Variants in MAGI1 observed in about 807,000 individuals in gnomAD.
MAGI1 encodes the protein membrane associated guanylate kinase, WW and PDZ domain containing 1.
MAGI1 carries 58 observed loss-of-function variants against 139.9 expected under a neutral mutation model. The observed-to-expected ratio is 0.41, with a 90% confidence interval of 0.34 to 0.52. The LOEUF is 0.52. MAGI1 is among the 20% of genes least tolerant of loss of function. The pLI, the probability that MAGI1 is intolerant of heterozygous loss-of-function variation, is 0.12. For synonymous variants in MAGI1, 812 were observed against 737.9 expected (o/e 1.10, Z -1.63); for missense variants, 1,874 against 1,901.6 (o/e 0.99, Z 0.27).
chr3:65,707,410 C>A (rs1414436226), intron 1 of MAGI1, among the ~76,000 whole-genome samples: 1 of 152,116 alleles, frequency 6.6e-6, no homozygotes, highest in Non-Finnish European at 1.5e-5. Flanking sequence ...GGGCAACCGG[C>A]CTGAGCCACA....
At chr3:65,667,506 G>A (rs2086603992) in intron 1 of MAGI1, among the ~76,000 whole-genome samples, 1 of 152,192 alleles carries the variant, frequency 6.6e-6, no homozygotes, top group African/African-American at 2.4e-5. Flanking sequence ...ACAAGTGAGA[G>A]CACCAGGAGG....
At chr3:65,413,029 G>A (rs1364905481) in intron 12 of MAGI1, among the ~76,000 whole-genome samples, 2 of 152,004 alleles carry the variant, frequency 1.3e-5, no homozygotes, top group African/African-American at 2.4e-5. Flanking sequence ...ACAGCACTGG[G>A]TTCAATGCCT....
intron 3 of MAGI1, among the ~76,000 whole-genome samples, chr3:65,492,946 C>T (rs1559604587): frequency 6.6e-6 from 1 of 151,972 alleles, no homozygotes; most frequent in Non-Finnish European, 1.5e-5. Context: ...GGCATGGTGG[C>T]AGGCGCCTGT....
At chr3:65,591,039 A>G (rs541983205) in intron 2 of MAGI1, among the ~76,000 whole-genome samples, 33 of 152,336 alleles carry the variant, frequency 2.2e-4, no homozygotes, top group South Asian at 1.7e-3. Flanking sequence ...AATTCACAAT[A>G]CACACAAAGC....
chr3:65,730,228 A>C (rs2034049890), intron 1 of MAGI1, among the ~76,000 whole-genome samples: 1 of 152,144 alleles, frequency 6.6e-6, no homozygotes, highest in East Asian at 1.9e-4. Context: ...TTAAACAGTT[A>C]GTGGCTTATT....
At chr3:65,938,731 C>T (rs1289242334) in intron 1 of MAGI1, among the ~76,000 whole-genome samples, 1 of 152,178 alleles carries the variant, frequency 6.6e-6, no homozygotes. Context: ...TTCGGTGTAA[C>T]AATGACCTAA....
intron 1 of MAGI1, among the ~76,000 whole-genome samples, chr3:65,844,842 AC>A (rs1461226902): frequency 2.0e-5 from 3 of 152,106 alleles, no homozygotes; most frequent in Non-Finnish European, 2.9e-5. Flanking sequence ...ACTAAAGGAC[AC>A]CCCAGGGATC....
Position 65,866,390 on chromosome 3 carries a change from G to GA in MAGI1, c.313+171605dup, listed in dbSNP as rs1015286935. Among the ~76,000 whole-genome samples the GA allele has an allele frequency of 1.7e-4, 25 of 148,866 alleles. No individual in the cohort carries two copies. In the South Asian group the frequency reaches 1.9e-3, roughly 11 times the overall value. The stretch of plus-strand genomic sequence containing the variant: ...TTAATGCAATGTGCATTTAAGAGGG[G>GA]AAAAAAAGCAGTAACAGAAAAAGGA... On this transcript the variant is annotated intron_variant, in intron 1 of 22. Transcript: ENST00000402939.
At chr3:65,708,447 C>T (rs7631090) in intron 1 of MAGI1, among the ~76,000 whole-genome samples, 24,528 of 152,032 alleles carry the variant, frequency 0.16, 2,288 homozygotes, top group African/African-American at 0.26. Context: ...CCCTCAGAGA[C>T]GAAGAAGCAG....
chr3:65,360,020 C>A, intron 22 of MAGI1: 1 of 985,336 alleles, frequency 1.0e-6, no homozygotes, highest in Admixed American at 6.1e-5. Context: ...TGTGGTTGGC[C>A]ATGTCTATAG....
intron 1 of MAGI1, among the ~76,000 whole-genome samples, chr3:66,030,515 C>T (rs28488387): frequency 0.56 from 85,130 of 151,908 alleles, 25,247 homozygotes; most frequent in East Asian, 0.86. Context: ...TGTGGTGAAG[C>T]GATCTACATA....
intron 2 of MAGI1, among the ~76,000 whole-genome samples, chr3:65,573,682 A>C (rs1391217927): frequency 1.3e-5 from 2 of 152,152 alleles, no homozygotes; most frequent in African/African-American, 4.8e-5. Context: ...ATTGAGAACA[A>C]GAATATCTTC....
At chr3:65,817,509 A>C (rs748087679) in intron 1 of MAGI1, among the ~76,000 whole-genome samples, 2 of 152,196 alleles carry the variant, frequency 1.3e-5, no homozygotes, top group African/African-American at 2.4e-5. Context: ...TAGCTTCAAA[A>C]ATTAAACTGC....
At chr3:65,966,866 T>C (rs75217282) in intron 1 of MAGI1, among the ~76,000 whole-genome samples, 1 of 152,204 alleles carries the variant, frequency 6.6e-6, no homozygotes, top group African/African-American at 2.4e-5. Context: ...TTTAAATCCA[T>C]GAAATGAACA....
At chr3:65,648,818 A>C (rs142174145) in intron 1 of MAGI1, among the ~76,000 whole-genome samples, 3 of 152,220 alleles carry the variant, frequency 2.0e-5, no homozygotes, top group Non-Finnish European at 4.4e-5. Context: ...ATATAGCTAC[A>C]ATATTTAAGA....
At position 65,950,090 on chromosome 3, in the gene MAGI1, CAAACAAA is replaced by C. The variant is rs2063750868; in HGVS notation, c.313+87899_313+87905del. Reference sequence around the variant, plus strand: ...AACAAAAAAAAAACAAAAAAAAAAACAAACAAAAAAAAAAAACAGAACTAGCAATATT... The same window carrying C: ...AACAAAAAAAAAACAAAAAAAAAAACAAAAAAAAACAGAACTAGCAATATT... On this transcript the variant is annotated intron_variant, in intron 1 of 22. Coordinates refer to ENST00000402939, the MANE Select transcript of MAGI1 (RefSeq NM_001033057.2). Among the ~76,000 whole-genome samples the C allele has an allele frequency of 2.9e-4, 5 of 17,072 alleles. No individual in the cohort carries two copies. In the East Asian group the frequency reaches 4.0e-3, roughly 14 times the overall value. The allele number at this position is 17,072 out of a possible 152,430, so 11.2% of individuals were successfully genotyped here.
chr3:65,972,886 G>A (rs1157357324), intron 1 of MAGI1, among the ~76,000 whole-genome samples: 3 of 152,104 alleles, frequency 2.0e-5, no homozygotes, highest in South Asian at 2.1e-4. Context: ...GAAAGACAGC[G>A]GTGCTCCTAT....
rs1228096813 is a variant in MAGI1, at chr3:65,971,474, G to C, written c.313+66522C>G. ...AAGCACTTCAGGCCTCAACATTCTCGTTAAATTTCCCCTTTCAGCTGTCCC... is the reference window on the plus strand; with the variant it reads ...AAGCACTTCAGGCCTCAACATTCTCCTTAAATTTCCCCTTTCAGCTGTCCC... On this transcript the variant is annotated intron_variant, in intron 1 of 22. Transcript: ENST00000402939. Among the ~76,000 whole-genome samples the C allele has an allele frequency of 2.0e-5, 3 of 152,112 alleles. 1 individual carries two copies. In the South Asian group the frequency reaches 6.2e-4, roughly 31 times the overall value.
intron 1 of MAGI1, among the ~76,000 whole-genome samples, chr3:65,780,878 G>A (rs2038875356): frequency 6.6e-6 from 1 of 152,168 alleles, no homozygotes; most frequent in South Asian, 2.1e-4. Flanking sequence ...ATGACTACGG[G>A]TGATTTTTCT....
Sources: gnomAD v4.1 joint callset for allele counts (sites outside exome capture counted in the v4.1 genomes callset) on GRCh38, gnomAD v4.1.1 for gene constraint, MANE v1.5 for transcripts, NCBI Gene and HGNC (gene_info 2026-07-23, HGNC 2026-07-21) for gene names.